The following ANKRD55 variants were observed in gnomAD, a reference collection of about 807,000 sequenced individuals.
The protein encoded by ANKRD55 is ankyrin repeat domain 55, also known as ankyrin repeat domain-containing protein 55.
In ANKRD55, 41 loss-of-function variants were observed where a neutral mutation model predicts 60.6. That is an observed-to-expected ratio of 0.68 (90% CI 0.53 to 0.88). The LOEUF is 0.88. Ranked by LOEUF, ANKRD55 falls within the 40% of genes least tolerant of loss-of-function variation. The pLI is 0.00. For synonymous variants in ANKRD55, 264 were observed against 290.3 expected, an observed-to-expected ratio of 0.91 and a Z score of 0.92; for missense variants, 732 against 767.6, an observed-to-expected ratio of 0.95 and a Z score of 0.55.
At chr5:56,167,926 C>A (rs1405046702) in intron 5 of ANKRD55, among the ~76,000 whole-genome samples, 1 of 152,192 alleles carries the variant, frequency 6.6e-6, no homozygotes, top group Non-Finnish European at 1.5e-5. Context: ...TGAACCTAAT[C>A]AACTGATCCA....
chr5:56,204,149 A>G (rs1340414636), intron 2 of ANKRD55, among the ~76,000 whole-genome samples: 6 of 152,062 alleles, frequency 3.9e-5, no homozygotes, highest in Admixed American at 6.6e-5. Context: ...GTCTGTTCAT[A>G]TCTTTTGCCC....
intron 7 of ANKRD55, among the ~76,000 whole-genome samples, chr5:56,131,694 G>A (rs1261599831): frequency 6.7e-6 from 1 of 149,784 alleles, no homozygotes; most frequent in African/African-American, 2.5e-5. Context: ...TACTCGGAAG[G>A]CTGAGACAGG....
intron 7 of ANKRD55, among the ~76,000 whole-genome samples, chr5:56,141,389 A>G (rs559115050): frequency 9.6e-4 from 146 of 152,230 alleles, no homozygotes; most frequent in African/African-American, 3.4e-3. Context: ...GGCACATGCC[A>G]TTATGCCCAG....
intron 2 of ANKRD55, among the ~76,000 whole-genome samples, chr5:56,203,670 A>G (rs1006169165): frequency 6.6e-6 from 1 of 152,030 alleles, no homozygotes; most frequent in Non-Finnish European, 1.5e-5. Flanking sequence ...TGAACTCATC[A>G]TTTTTTATGG....
In ANKRD55 at chr5:56,218,851, CAGAA is replaced by C. The variant is rs369479449; in HGVS notation, c.58+14001_58+14004del. Among the ~76,000 whole-genome samples, 141 of 152,062 alleles carry C rather than the reference CAGAA, an allele frequency of 9.3e-4. 2 individuals are homozygous for C. The Middle Eastern group carries it at 0.021, about 22-fold the overall frequency. ...AGGGAAGGAGTGAGGGAGACAGAGA[CAGAA>C]AGAGCAAATGATAAAGCAAACGGGG... On this transcript the variant is annotated intron_variant, in intron 2 of 11. Coordinates refer to ENST00000341048, the MANE Select transcript of ANKRD55 (RefSeq NM_024669.3).
At chr5:56,176,673 A>T (rs6862250) in intron 3 of ANKRD55, among the ~76,000 whole-genome samples, 45,331 of 152,026 alleles carry the variant, frequency 0.3, 12,134 homozygotes, top group African/African-American at 0.71. Context: ...ACACTTTTAT[A>T]GGGGGTGGCA....
intron 2 of ANKRD55, among the ~76,000 whole-genome samples, chr5:56,208,873 A>T (rs1467879761): frequency 6.6e-6 from 1 of 152,176 alleles, no homozygotes; most frequent in African/African-American, 2.4e-5. Context: ...TCATAATCTT[A>T]TGGAACCACC....
intron 8 of ANKRD55, among the ~76,000 whole-genome samples, chr5:56,120,878 C>T (rs905529142): frequency 1.7e-4 from 22 of 132,604 alleles, no homozygotes; most frequent in East Asian, 4.4e-4. Context: ...CTAGCCTGGG[C>T]GACAGAGGGA....
rs368625869 is a variant in ANKRD55, at chr5:56,100,316, G to A, written c.1724-12C>T. The A allele has an allele frequency of 6.2e-7, 1 of 1,614,090 alleles. No homozygotes were observed. The highest frequency in any genetic ancestry group is 1.7e-5 in the Admixed American group (1 of 60,004). ...TTCTCCAGATAGAACTGGGAAGAAA[G>A]AATAGAACAAGAGACTTTCAAGATT... is the stretch of plus-strand genomic sequence containing the variant. On this transcript the variant is annotated splice_polypyrimidine_tract_variant and intron_variant, in intron 11 of 11. Transcript: ENST00000341048.
chr5:56,112,756 G>A (rs1029325572), intron 9 of ANKRD55, among the ~76,000 whole-genome samples: 11 of 152,102 alleles, frequency 7.2e-5, no homozygotes, highest in Non-Finnish European at 1.2e-4. Context: ...TGCTTTCTGC[G>A]GTATGAATTA....
chr5:56,111,078 T>C (rs781281200), intron 10 of ANKRD55, 40 bp downstream of exon 10: 1 of 1,585,394 alleles, frequency 6.3e-7, no homozygotes, highest in East Asian at 2.2e-5. Flanking sequence ...ATTTCCAGTA[T>C]AGAGCCTGCT....
At chr5:56,159,279 C>T (rs886226284) in intron 6 of ANKRD55, among the ~76,000 whole-genome samples, 9 of 152,256 alleles carry the variant, frequency 5.9e-5, no homozygotes, top group South Asian at 4.2e-4. Flanking sequence ...TTGACCAACA[C>T]GGAGAAACCC....
chr5:56,176,064 C>T (rs1402924876), intron 4 of ANKRD55, 88 bp downstream of exon 4: 2 of 1,542,884 alleles, frequency 1.3e-6, no homozygotes, highest in Non-Finnish European at 1.8e-6. Context: ...TGCATAGATC[C>T]AAGAATGCTC....
rs1373809133 is a variant in ANKRD55, at chr5:56,135,274, CCCTCCCTGCCTGCCTG to C, written c.613-8184_613-8169del. On this transcript the variant is annotated intron_variant, in intron 7 of 11. Coordinates refer to ENST00000341048, the MANE Select transcript of ANKRD55 (RefSeq NM_024669.3). ...TCCTTCCTTCCTTCTTTCCCTCCCTCCCTCCCTGCCTGCCTGCTTGCTTTCTTTCTTTCTTTCTTTC... is the reference window on the plus strand; with the variant it reads ...TCCTTCCTTCCTTCTTTCCCTCCCTCCTTGCTTTCTTTCTTTCTTTCTTTC... Among the ~76,000 whole-genome samples, 104 of 97,392 alleles carry C rather than the reference CCCTCCCTGCCTGCCTG, an allele frequency of 1.1e-3. 3 individuals are homozygous for C. Among genetic ancestry groups the C allele is most frequent in the Non-Finnish European group, 1.6e-3 (79 of 48,816 alleles). 63.9% of individuals were successfully genotyped at this position (97,392 alleles called of 152,430 possible).
At chr5:56,188,126 C>T (rs919772002) in intron 2 of ANKRD55, among the ~76,000 whole-genome samples, 1 of 152,144 alleles carries the variant, frequency 6.6e-6, no homozygotes, top group South Asian at 2.1e-4. Context: ...TGGCTTAGAA[C>T]TAAGCCACTC....
intron 6 of ANKRD55, among the ~76,000 whole-genome samples, chr5:56,147,282 A>C (rs567696353): frequency 6.6e-6 from 1 of 152,222 alleles, no homozygotes; most frequent in Non-Finnish European, 1.5e-5. Context: ...TGTTTCTCTG[A>C]CTCTGGAGAA....
chr5:56,118,179 T>C (rs1756934477), intron 8 of ANKRD55, among the ~76,000 whole-genome samples: 1 of 151,812 alleles, frequency 6.6e-6, no homozygotes, highest in South Asian at 2.1e-4. Flanking sequence ...GGCCAAAAGG[T>C]ATAAAAATAT....
intron 2 of ANKRD55, among the ~76,000 whole-genome samples, chr5:56,187,395 T>G (rs1264225244): frequency 6.6e-6 from 1 of 152,212 alleles, no homozygotes; most frequent in Non-Finnish European, 1.5e-5. Flanking sequence ...GACCGGGATT[T>G]AAACCCAGGC....
chr5:56,139,034 A>T (rs370306780), intron 7 of ANKRD55, among the ~76,000 whole-genome samples: 3 of 134,370 alleles, frequency 2.2e-5, no homozygotes, highest in South Asian at 2.5e-4. Flanking sequence ...CAAATGTACC[A>T]CTGTAGTGGG....
Sources: gnomAD v4.1 joint callset for allele counts (sites outside exome capture counted in the v4.1 genomes callset) on GRCh38, gnomAD v4.1.1 for gene constraint, MANE v1.5 for transcripts, NCBI Gene and HGNC (gene_info 2026-07-23, HGNC 2026-07-21) for gene names.